TRMT44: variants seen among roughly 807,000 people sequenced by gnomAD.
TRMT44 encodes probable tRNA (uracil-O(2)-)-methyltransferase.
Under a neutral mutation model 77.3 loss-of-function variants are expected in TRMT44, and 78 were observed. The ratio of observed to expected loss-of-function variants is 1.01; its 90% CI spans 0.84 to 1.22. The LOEUF is 1.22. Ranked by LOEUF, TRMT44 falls within the 50% of genes most tolerant of loss-of-function variation. TRMT44 has a pLI of 0.00. For missense variants in TRMT44, 1,090 were observed against 964.4 expected (o/e 1.13, Z -1.73); for synonymous variants, 391 against 383.3 (o/e 1.02, Z -0.23).
chr4:8,486,255 G>A (rs1442306447), intron 2 of TRMT44, among the ~76,000 whole-genome samples: 1 of 152,218 alleles, frequency 6.6e-6, no homozygotes, highest in Non-Finnish European at 1.5e-5. Context: ...AGCTCCTGGG[G>A]AAGGTGGTTC....
chr4:8,455,722 T>C (rs933715646), intron 6 of TRMT44, among the ~76,000 whole-genome samples: 2 of 152,236 alleles, frequency 1.3e-5, no homozygotes, highest in Non-Finnish European at 2.9e-5. Flanking sequence ...GACAATTATT[T>C]GCAAGCATGT....
At chr4:8,449,955 T>TC in intron 3 of TRMT44, 67 bp downstream of exon 3, 1 of 688,140 alleles carries the variant, frequency 1.5e-6, no homozygotes, top group Non-Finnish European at 2.1e-6. Flanking sequence ...TTTTCTTTTT[T>TC]TTTTTTTTTT....
chr4:8,492,830 C>T (rs1489633239), intron 2 of TRMT44, among the ~76,000 whole-genome samples: 3 of 152,192 alleles, frequency 2.0e-5, no homozygotes, highest in Non-Finnish European at 2.9e-5. Flanking sequence ...CCCCTCCCTG[C>T]TTCGAGTTGT....
chr4:8,470,279 C>G (rs1726894442), intron 9 of TRMT44, among the ~76,000 whole-genome samples: 2 of 152,170 alleles, frequency 1.3e-5, no homozygotes, highest in South Asian at 4.1e-4. Flanking sequence ...CAGCACCAGG[C>G]TCCTGGGTCA....
chr4:8,484,969 A>G (rs1727758058), intron 2 of TRMT44, among the ~76,000 whole-genome samples: 1 of 152,218 alleles, frequency 6.6e-6, no homozygotes, highest in Non-Finnish European at 1.5e-5. Flanking sequence ...GATACCCGAT[A>G]TCCTTTGGAG....
chr4:8,501,298 C>T, the TRMT44 span, among the ~76,000 whole-genome samples: 240 of 152,234 alleles, frequency 1.6e-3, 1 homozygote, highest in African/African-American at 5.5e-3. This position sits in a 1 kb window ranked among gnomAD's most constrained non-coding sequence, Gnocchi z 4.4. Context: ...AGGAGAGACC[C>T]CACCCCCAGT....
At chr4:8,450,726 T>G (rs568887016) in intron 3 of TRMT44, among the ~76,000 whole-genome samples, 1 of 152,170 alleles carries the variant, frequency 6.6e-6, no homozygotes, top group South Asian at 2.1e-4. Context: ...TCAAAGCTAC[T>G]TACTATTCTT....
In TRMT44 at chr4:8,452,885, C is replaced by G. The variant is rs1338209200; in HGVS notation, c.1027C>G (p.Leu343Val). Residue 343 changes from leucine to valine, a missense_variant, in exon 5 of 11, where the codon CTA becomes GTA. By Grantham distance (32) the Leu-to-Val change is conservative. Transcript: ENST00000389737. This position sits in a 1 kb window ranked among gnomAD's most constrained non-coding sequence, Gnocchi z 5.7. ...TTTTGTTTTTCTCTTCACTTAGATT[C>G]TATGGGAAGAAGAAAGGGCTGAGAG... The part of the protein sequence containing the change: ...DVAIAAYLLI[L>V]WEEERAERRL... 3.9e-6 allele frequency: 6 copies of G among 1,521,858 alleles called. No homozygotes were observed. The highest frequency in any genetic ancestry group is 2.8e-5 in the African/African-American group (2 of 72,180). 94.3% of individuals were successfully genotyped at this position (1,521,858 alleles called of 1,614,324 possible).
intron 1 of TRMT44, among the ~76,000 whole-genome samples, chr4:8,442,229 C>G (rs1724780106): frequency 6.6e-6 from 1 of 152,184 alleles, no homozygotes. Context: ...AACTTATTGT[C>G]TCATATTTTT....
chr4:8,455,278 G>A (rs77929249), intron 6 of TRMT44, among the ~76,000 whole-genome samples: 2 of 152,350 alleles, frequency 1.3e-5, no homozygotes, highest in East Asian at 3.9e-4. Flanking sequence ...GGGATAGAAG[G>A]TTTAGAGGGC....
intron 2 of TRMT44, among the ~76,000 whole-genome samples, chr4:8,485,854 G>A (rs1396579937): frequency 6.6e-6 from 1 of 152,158 alleles, no homozygotes; most frequent in Non-Finnish European, 1.5e-5. Context: ...TTTGAAGCTT[G>A]GCTGTCAATA....
At chr4:8,456,484 T>G (rs772649323) in intron 6 of TRMT44, among the ~76,000 whole-genome samples, 1 of 151,704 alleles carries the variant, frequency 6.6e-6, no homozygotes, top group Non-Finnish European at 1.5e-5. Flanking sequence ...GATTTCAGTC[T>G]GCAGCTGCAG....
rs148582089 is a variant in TRMT44 at position 8,476,081 on chromosome 4, C to T, written c.*80C>T. On this transcript the variant is annotated 3_prime_UTR_variant, in exon 11 of 11. Coordinates refer to ENST00000389737, the MANE Select transcript of TRMT44 (RefSeq NM_152544.3). Reference sequence around the variant, plus strand: ...CCCCAGCAGTCGTCAGTGCTGTGGTCTCTGCTCTGGCTGTGTTTCAGCCCA... The same window carrying T: ...CCCCAGCAGTCGTCAGTGCTGTGGTTTCTGCTCTGGCTGTGTTTCAGCCCA... 8.1e-4 allele frequency: 1,085 copies of T among 1,342,032 alleles called. 1 individual carries two copies. The highest frequency in any genetic ancestry group is 9.2e-4 in the Admixed American group (49 of 53,182). 83.1% of individuals were successfully genotyped at this position (1,342,032 alleles called of 1,614,324 possible).
At chr4:8,488,001 G>A (rs2109227416) in intron 2 of TRMT44, among the ~76,000 whole-genome samples, 1 of 152,240 alleles carries the variant, frequency 6.6e-6, no homozygotes, top group South Asian at 2.1e-4. Context: ...AAAATGAAAG[G>A]AATTGAAATT....
Position 8,440,834 on chromosome 4 carries a change from G to A in TRMT44, c.12G>A (p.Val4=). 6.7e-7 allele frequency: 1 copy of A among 1,490,724 alleles called. No individual in the cohort carries two copies. Among genetic ancestry groups the A allele is most frequent in the South Asian group, 1.3e-5 (1 of 78,222 alleles). The allele number at this position is 1,490,724 out of a possible 1,614,324, so 92.3% of individuals were successfully genotyped here. A position where few individuals can be genotyped will look rare whatever the true frequency, so the allele number is the denominator to read the frequency against. ...ACCTGCTGGCTGCCATGGCTGAGGT[G>A]GGCCGTACCGGGATCAGCTACCCAG... The part of the protein sequence containing the change: MAE[V]GRTGISYPGA... Residue 4 remains valine (V), a synonymous_variant, in exon 1 of 11, where the codon GTG becomes GTA. Transcript: ENST00000389737.
chr4:8,491,782 G>A (rs1471173765), intron 2 of TRMT44, among the ~76,000 whole-genome samples: 3 of 152,218 alleles, frequency 2.0e-5, no homozygotes, highest in Non-Finnish European at 2.9e-5. Context: ...GTTCCCGCTC[G>A]CGCCTCTCCC....
At chr4:8,516,709 T>C in the TRMT44 span, among the ~76,000 whole-genome samples, 32 of 152,130 alleles carry the variant, frequency 2.1e-4, no homozygotes, top group African/African-American at 7.0e-4. Flanking sequence ...GTCCAAGAGA[T>C]TGAAGCTGCA....
At chr4:8,497,448 A>G (rs1728180726), downstream of TRMT44, among the ~76,000 whole-genome samples, 1 of 152,170 alleles carries the variant, frequency 6.6e-6, no homozygotes. Flanking sequence ...GATCGAGACC[A>G]TCCTAGCTAA....
At chr4:8,495,625 A>G (rs1284557074), downstream of TRMT44, among the ~76,000 whole-genome samples, 1 of 152,212 alleles carries the variant, frequency 6.6e-6, no homozygotes, top group African/African-American at 2.4e-5. Flanking sequence ...AAATTATGCA[A>G]GCTTGGAAAT....
Sources: gnomAD v4.1 joint callset for allele counts (sites outside exome capture counted in the v4.1 genomes callset) on GRCh38, gnomAD v4.1.1 for gene constraint, Gnocchi (gnomAD v3.1) non-coding constraint, MANE v1.5 for transcripts, NCBI Gene and HGNC (gene_info 2026-07-23, HGNC 2026-07-21) for gene names.